The following TAF3 variants were observed in gnomAD, a reference collection of about 807,000 sequenced individuals.
The protein encoded by TAF3 is transcription initiation factor TFIID subunit 3.
A neutral mutation model predicts 80.6 loss-of-function variants in TAF3; 7 were observed. That is an observed-to-expected ratio of 0.09 (90% CI 0.05 to 0.16). The LOEUF (loss-of-function observed/expected upper bound fraction) is 0.16, where lower values mean the gene tolerates loss of function less well. Among genes scored for constraint, TAF3 ranks in the 10% least tolerant of loss-of-function variants. TAF3 has a pLI of 1.00. For synonymous variants in TAF3, 444 were observed against 446.1 expected (o/e 1.00, Z 0.06); for missense variants, 921 against 1,140.2 (o/e 0.81, Z 2.77).
chr10:7,834,817 A>T (rs553560219), intron 2 of TAF3, among the ~76,000 whole-genome samples: 41 of 152,012 alleles, frequency 2.7e-4, no homozygotes, highest in African/African-American at 8.0e-4. Flanking sequence ...GGTAAAAAAA[A>T]TTTTTTTTGC....
chr10:7,925,684 A>C (rs1291618542), intron 2 of TAF3, among the ~76,000 whole-genome samples: 2 of 151,594 alleles, frequency 1.3e-5, no homozygotes, highest in African/African-American at 4.8e-5. Flanking sequence ...CTGTATTCCC[A>C]GCTACTTGGT....
intron 2 of TAF3, among the ~76,000 whole-genome samples, chr10:7,832,370 T>C (rs1263368728): frequency 1.3e-5 from 2 of 150,570 alleles, no homozygotes; most frequent in Admixed American, 1.3e-4. Flanking sequence ...AATGACAAAA[T>C]TTCCTTCTTT....
chr10:7,992,869 T>A (rs1295494253), intron 4 of TAF3, among the ~76,000 whole-genome samples: 1 of 152,246 alleles, frequency 6.6e-6, no homozygotes, highest in Non-Finnish European at 1.5e-5. Flanking sequence ...CATACTTGAT[T>A]CTTTTTGTCT....
chr10:7,940,798 T>A (rs1460559030), intron 2 of TAF3, among the ~76,000 whole-genome samples: 1 of 150,250 alleles, frequency 6.7e-6, no homozygotes, highest in Non-Finnish European at 1.5e-5. Flanking sequence ...CTGCAAAAAA[T>A]TAAAAACAGA....
chr10:7,934,819 A>G (rs528378723), intron 2 of TAF3, among the ~76,000 whole-genome samples: 3 of 152,236 alleles, frequency 2.0e-5, no homozygotes, highest in Non-Finnish European at 4.4e-5. Flanking sequence ...AAATGCGATC[A>G]GTTTACTAAC....
intron 2 of TAF3, among the ~76,000 whole-genome samples, chr10:7,921,457 C>T (rs1308372547): frequency 2.0e-5 from 3 of 152,006 alleles, no homozygotes; most frequent in Admixed American, 6.5e-5. Flanking sequence ...ACTTTCTGAG[C>T]GGTGTTTTTC....
At chr10:7,851,029 CA>C (rs1837022021) in intron 2 of TAF3, among the ~76,000 whole-genome samples, 1 of 152,056 alleles carries the variant, frequency 6.6e-6, no homozygotes, top group African/African-American at 2.4e-5. Context: ...GTGGAGTTTA[CA>C]CTTCCATGGA....
intron 2 of TAF3, among the ~76,000 whole-genome samples, chr10:7,861,627 C>A (rs76125144): frequency 0.02 from 2,970 of 151,952 alleles, 94 homozygotes; most frequent in African/African-American, 0.065. Context: ...ATTTTTCCAC[C>A]ATCTCATAAC....
At chr10:7,949,594 C>T (rs946222063) in intron 2 of TAF3, among the ~76,000 whole-genome samples, 11 of 152,162 alleles carry the variant, frequency 7.2e-5, no homozygotes, top group Non-Finnish European at 2.9e-5. Context: ...AGAAGGAACA[C>T]AGTAAGAATT....
intron 3 of TAF3, among the ~76,000 whole-genome samples, chr10:7,971,895 A>G (rs1347535416): frequency 6.6e-6 from 1 of 152,204 alleles, no homozygotes; most frequent in Non-Finnish European, 1.5e-5. Context: ...GTTCAGGTGA[A>G]AGAAGTATTG....
chr10:7,909,550 A>G (rs1218198668), intron 2 of TAF3, among the ~76,000 whole-genome samples: 1 of 152,256 alleles, frequency 6.6e-6, no homozygotes, highest in East Asian at 1.9e-4. Flanking sequence ...GAGTCAAAGC[A>G]AAGAAGGCCA....
At chr10:7,927,971 C>A (rs1015580445) in intron 2 of TAF3, among the ~76,000 whole-genome samples, 3 of 103,314 alleles carry the variant, frequency 2.9e-5, no homozygotes, top group African/African-American at 8.4e-5. Flanking sequence ...TTTGCTCCCC[C>A]ACTTTTTTTT....
chr10:7,972,933 T>C (rs193046337), intron 3 of TAF3, among the ~76,000 whole-genome samples: 2 of 152,280 alleles, frequency 1.3e-5, no homozygotes, highest in East Asian at 3.9e-4. Context: ...ATAAAGTGAA[T>C]AGCTCCATGT....
At chr10:7,989,162 C>T (rs1034627430) in intron 4 of TAF3, among the ~76,000 whole-genome samples, 1 of 152,190 alleles carries the variant, frequency 6.6e-6, no homozygotes, top group African/African-American at 2.4e-5. Context: ...AGTGGGCCAG[C>T]TGAGATCACG....
intron 2 of TAF3, among the ~76,000 whole-genome samples, chr10:7,946,134 G>A (rs1054937072): frequency 3.9e-5 from 6 of 152,200 alleles, no homozygotes; most frequent in South Asian, 4.1e-4. Context: ...CATCTTTCTC[G>A]AAACTAGATC....
intron 3 of TAF3, among the ~76,000 whole-genome samples, chr10:7,970,513 C>T (rs1319057855): frequency 1.3e-5 from 2 of 152,190 alleles, no homozygotes; most frequent in Non-Finnish European, 2.9e-5. Flanking sequence ...GCCTTCTCAG[C>T]CACTTACCTC....
chr10:7,832,807 C>T (rs145773834), intron 2 of TAF3, among the ~76,000 whole-genome samples: 3 of 152,314 alleles, frequency 2.0e-5, no homozygotes, highest in African/African-American at 7.2e-5. Flanking sequence ...ACCTCAGCCT[C>T]CCAAAGTGCT....
Position 8,013,846 on chromosome 10 carries a change from C to A in TAF3, c.2675+9C>A, listed in dbSNP as rs1353747936. The A allele has an allele frequency of 6.2e-7, 1 of 1,611,902 alleles. No homozygotes were observed. The highest frequency in any genetic ancestry group is 8.5e-7 in the Non-Finnish European group (1 of 1,178,024). ...GATGACTGGTACCACTGGTGAGTGC[C>A]CAGGGCGCCCTGCCGGCCACACTCA... On this transcript the variant is annotated intron_variant, in intron 6 of 6. Coordinates refer to ENST00000344293, the MANE Select transcript of TAF3 (RefSeq NM_031923.4).
chr10:8,014,137 T>C (rs1360275720), intron 6 of TAF3, among the ~76,000 whole-genome samples: 1 of 152,192 alleles, frequency 6.6e-6, no homozygotes, highest in Non-Finnish European at 1.5e-5. Context: ...TTTCCAGTAA[T>C]GTTCTGTAGG....
Sources: allele counts gnomAD v4.1 joint callset (sites outside exome capture counted in the v4.1 genomes callset), GRCh38; gene constraint gnomAD v4.1.1; transcripts MANE v1.5; gene names NCBI Gene and HGNC (gene_info 2026-07-23, HGNC 2026-07-21).